The following UBE2D3 variants were observed in gnomAD, a reference collection of about 807,000 sequenced individuals.
The protein encoded by UBE2D3 is ubiquitin conjugating enzyme E2 D3, also known as ubiquitin-conjugating enzyme E2 D3.
Under a neutral mutation model 22.8 loss-of-function variants are expected in UBE2D3, and 2 were observed. The ratio of observed to expected loss-of-function variants is 0.09; its 90% CI spans 0.04 to 0.28. UBE2D3 has a LOEUF of 0.28. UBE2D3 is among the 10% of genes least tolerant of loss of function. The pLI is 1.00. For synonymous variants in UBE2D3, 56 were observed against 60.4 expected (o/e 0.93, Z 0.34); for missense variants, 27 against 182.5 (o/e 0.15, Z 4.91).
At chr4:102,850,565 G>C (rs1382738540) in intron 1 of UBE2D3, among the ~76,000 whole-genome samples, 1 of 152,072 alleles carries the variant, frequency 6.6e-6, no homozygotes, top group Non-Finnish European at 1.5e-5. Context: ...AATAGTATAG[G>C]CTAAGGAACT....
At chr4:102,840,903 G>A (rs1731715088) in intron 1 of UBE2D3, among the ~76,000 whole-genome samples, 1 of 151,992 alleles carries the variant, frequency 6.6e-6, no homozygotes, top group African/African-American at 2.4e-5. Context: ...TGTAGTCCCA[G>A]CTACTCAGGA....
upstream of UBE2D3, among the ~76,000 whole-genome samples, chr4:102,831,416 A>C (rs1025082946): frequency 3.9e-5 from 6 of 152,254 alleles, no homozygotes; most frequent in African/African-American, 1.4e-4. Context: ...AATCTTTGAG[A>C]TAAAAATAGA....
chr4:102,799,383 A>G (rs1211667989), intron 7 of UBE2D3, 24 bp downstream of exon 7: 3 of 1,597,092 alleles, frequency 1.9e-6, no homozygotes, highest in African/African-American at 2.7e-5. Flanking sequence ...AACCACTTTT[A>G]TAATAACTTT....
chr4:102,845,596 C>T (rs76641500), intron 1 of UBE2D3, among the ~76,000 whole-genome samples: 1,807 of 152,232 alleles, frequency 0.012, 19 homozygotes, highest in African/African-American at 0.036. Flanking sequence ...TCAAATTTTA[C>T]TACAAAACCA....
At chr4:102,865,503 A>AC (rs1165962187) in intron 1 of UBE2D3, among the ~76,000 whole-genome samples, 1 of 151,916 alleles carries the variant, frequency 6.6e-6, no homozygotes. Flanking sequence ...AAAAAAAAAA[A>AC]AAAAAAGACA....
intron 4 of UBE2D3, among the ~76,000 whole-genome samples, chr4:102,803,685 T>C (rs563360331): frequency 6.6e-6 from 1 of 152,334 alleles, no homozygotes; most frequent in South Asian, 2.1e-4. Flanking sequence ...TCATGAAATA[T>C]GAACAAGGGA....
intron 4 of UBE2D3, among the ~76,000 whole-genome samples, chr4:102,806,315 C>T (rs1051749589): frequency 6.6e-6 from 1 of 152,004 alleles, no homozygotes; most frequent in African/African-American, 2.4e-5. Context: ...CTTCCTTTGT[C>T]TTATCTGCTC....
rs541042052 is a variant in UBE2D3, at chr4:102,827,423, G to C, written c.-129+4C>G. On this transcript the variant is annotated splice_donor_region_variant and intron_variant, in intron 1 of 7. Coordinates refer to ENST00000453744, the MANE Select transcript of UBE2D3 (RefSeq NM_181891.3). ...CTGCCCTAGCCGTCCACACCCACGC[G>C]TACAGAGGGGCCGGGGCCTCCCTCA... The C allele has an allele frequency of 1.0e-6, 1 of 985,888 alleles. No homozygotes were observed. Among genetic ancestry groups the C allele is most frequent in the Non-Finnish European group, 1.2e-6 (1 of 830,068 alleles). The allele number at this position is 985,888 out of a possible 1,614,324, so 61.1% of individuals were successfully genotyped here.
chr4:102,815,885 A>G (rs1728719478), intron 2 of UBE2D3, among the ~76,000 whole-genome samples: 1 of 152,218 alleles, frequency 6.6e-6, no homozygotes, highest in Non-Finnish European at 1.5e-5. Flanking sequence ...TGCTGTTCTT[A>G]TTTCACCACT....
At chr4:102,864,272 C>T (rs1008655831) in intron 1 of UBE2D3, among the ~76,000 whole-genome samples, 1 of 90,814 alleles carries the variant, frequency 1.1e-5, no homozygotes, top group East Asian at 3.1e-4. Context: ...TAATTCCTTG[C>T]AGTAAGTAGA....
intron 1 of UBE2D3, among the ~76,000 whole-genome samples, chr4:102,850,476 A>G (rs1732286243): frequency 6.6e-6 from 1 of 152,124 alleles, no homozygotes. Context: ...GCCTTTCCCA[A>G]CCATTTCAGC....
Position 102,794,665 on chromosome 4 carries a change from A to AAAAC in UBE2D3, c.*2746_*2749dup, listed in dbSNP as rs991668284. The AAAAC allele has an allele frequency of 2.0e-5, 3 of 152,006 alleles. No individual in the cohort carries two copies. The highest frequency in any genetic ancestry group is 7.2e-5 in the African/African-American group (3 of 41,380). 9.4% of individuals were successfully genotyped at this position (152,006 alleles called of 1,614,324 possible). ...ACTAAGCCATTTCAACAAACAAAAA[A>AAAAC]AAACAAACAAAAAAAAAAGTGAGTG... On this transcript the variant is annotated 3_prime_UTR_variant, in exon 8 of 8. Coordinates refer to ENST00000453744, the MANE Select transcript of UBE2D3 (RefSeq NM_181891.3).
chr4:102,841,018 A>T (rs569671963), intron 1 of UBE2D3, among the ~76,000 whole-genome samples: 10 of 136,494 alleles, frequency 7.3e-5, no homozygotes, highest in South Asian at 2.4e-4. Context: ...AGACTCTTTT[A>T]AAAAAAAAAA....
chr4:102,826,948 G>C (rs934630394), intron 1 of UBE2D3: 31 of 1,005,064 alleles, frequency 3.1e-5, no homozygotes, highest in African/African-American at 3.5e-5. Flanking sequence ...GGGCCTAGTC[G>C]GCGCTATACC....
chr4:102,825,067 T>C (rs1011456966), intron 2 of UBE2D3, among the ~76,000 whole-genome samples: 3 of 152,226 alleles, frequency 2.0e-5, no homozygotes, highest in Admixed American at 6.5e-5. Flanking sequence ...AGAGTGAAGA[T>C]TTAAACCTTC....
chr4:102,867,093 G>C (rs755284186), intron 1 of UBE2D3, among the ~76,000 whole-genome samples: 1 of 152,126 alleles, frequency 6.6e-6, no homozygotes, highest in Non-Finnish European at 1.5e-5. Flanking sequence ...GTATCTAAAC[G>C]TGTTTGTAGA....
At chr4:102,857,819 G>A (rs1463548301) in intron 1 of UBE2D3, among the ~76,000 whole-genome samples, 1 of 152,016 alleles carries the variant, frequency 6.6e-6, no homozygotes, top group Non-Finnish European at 1.5e-5. Context: ...TCAGCCTCCT[G>A]AGTAGCTAGG....
At chr4:102,802,679 T>TAAATTTTAA in intron 4 of UBE2D3, 41 bp from the exon 5 acceptor site, 1 of 1,450,130 alleles carries the variant, frequency 6.9e-7, no homozygotes, top group Non-Finnish European at 9.5e-7. Context: ...TTTAAAATAT[T>TAAATTTTAA]ATTGCTAAAT....
At chr4:102,824,031 G>A (rs982874975) in intron 2 of UBE2D3, among the ~76,000 whole-genome samples, 1 of 152,192 alleles carries the variant, frequency 6.6e-6, no homozygotes, top group Admixed American at 6.5e-5. Flanking sequence ...CCAGTTCAGA[G>A]CTGTCCACTC....
Sources: allele counts gnomAD v4.1 joint callset (sites outside exome capture counted in the v4.1 genomes callset), GRCh38; gene constraint gnomAD v4.1.1; transcripts MANE v1.5; gene names NCBI Gene and HGNC (gene_info 2026-07-23, HGNC 2026-07-21).